FBXL3: variants seen among roughly 807,000 people sequenced by gnomAD.
The protein encoded by FBXL3 is F-box/LRR-repeat protein 3.
FBXL3 carries 14 observed loss-of-function variants against 37.9 expected under a neutral mutation model. The ratio of observed to expected loss-of-function variants is 0.37; its 90% CI spans 0.24 to 0.58. The LOEUF (loss-of-function observed/expected upper bound fraction) is 0.58, where lower values mean the gene tolerates loss of function less well. FBXL3 is among the 20% of genes least tolerant of loss of function. FBXL3 has a pLI of 0.74. For missense variants in FBXL3, 327 were observed against 511.1 expected, an observed-to-expected ratio of 0.64 and a Z score of 3.47; for synonymous variants, 194 against 180.1, an observed-to-expected ratio of 1.08 and a Z score of -0.62.
chr13:77,006,599 ATTAC>A lies in FBXL3; in HGVS notation c.*542_*545del, dbSNP rs2034455411. ...ATCTATCAGTCTTCTAAGTGTTCTG[ATTAC>A]TTATATATACCTTTTTCTTTAAACA... On this transcript the variant is annotated 3_prime_UTR_variant, in exon 5 of 5. Transcript: ENST00000355619. 6.2e-6 allele frequency: 1 copy of A among 161,060 alleles called. No homozygotes were observed. Among genetic ancestry groups the A allele is most frequent in the South Asian group, 2.0e-4 (1 of 5,030 alleles). 10.0% of individuals were successfully genotyped at this position (161,060 alleles called of 1,614,324 possible).
rs564958627 is a variant in FBXL3, at chr13:77,019,586, A to C, written c.349-864T>G. ...CAGCATCAACATCACCTGGGAACTT[A>C]AATGGGAACAAATGTTCATACCCAA... On this transcript the variant is annotated intron_variant, in intron 2 of 4. Transcript: ENST00000355619. 4.6e-5 allele frequency among the ~76,000 whole-genome samples: 7 copies of C among 152,300 alleles called. No individual in the cohort carries two copies. The South Asian group carries it at 1.2e-3, about 27-fold the overall frequency.
At chr13:77,022,919 T>C (rs2034770880) in intron 1 of FBXL3, among the ~76,000 whole-genome samples, 1 of 152,206 alleles carries the variant, frequency 6.6e-6, no homozygotes, top group African/African-American at 2.4e-5. Context: ...AATTACTTGA[T>C]ATTCCTGTGC....
At chr13:77,018,819 A>T in intron 2 of FBXL3, 97 bp from the exon 3 acceptor site, 1 of 1,017,676 alleles carries the variant, frequency 9.8e-7, no homozygotes, top group Non-Finnish European at 1.4e-6. Context: ...GTATATATTT[A>T]TATTTCTCTG....
At chr13:77,012,838 G>C (rs1162765339) in intron 4 of FBXL3, 1 of 152,194 alleles carries the variant, frequency 6.6e-6, no homozygotes, top group Non-Finnish European at 1.5e-5. Flanking sequence ...ACAGTGGTGC[G>C]ACCTCGGCTC....
At chr13:77,017,304 A>T (rs1004197718) in intron 3 of FBXL3, 2 of 152,234 alleles carry the variant, frequency 1.3e-5, no homozygotes, top group Admixed American at 6.5e-5. Context: ...TGTTCAACAT[A>T]TCCTTTAATA....
At chr13:77,015,370 C>A in intron 4 of FBXL3, 39 bp downstream of exon 4, 1 of 1,439,084 alleles carries the variant, frequency 6.9e-7, no homozygotes, top group South Asian at 1.6e-5. Context: ...CATAGCAATG[C>A]ATTTTACTAA....
At chr13:77,023,159 T>A (rs1326896053) in intron 1 of FBXL3, among the ~76,000 whole-genome samples, 1 of 146,390 alleles carries the variant, frequency 6.8e-6, no homozygotes, top group East Asian at 2.2e-4. Flanking sequence ...ATTCATTCAT[T>A]CCGTTCACTC....
At chr13:77,022,989 A>G (rs1417061309) in intron 1 of FBXL3, among the ~76,000 whole-genome samples, 1 of 152,232 alleles carries the variant, frequency 6.6e-6, no homozygotes, top group African/African-American at 2.4e-5. Context: ...AATACTATTA[A>G]GGCTTTTCAA....
At chr13:77,020,195 G>C (rs636646) in intron 2 of FBXL3, among the ~76,000 whole-genome samples, 91,201 of 151,952 alleles carry the variant, frequency 0.6, 30,730 homozygotes, top group Non-Finnish European at 0.77. Context: ...TTAAGTTTCA[G>C]GTAAACAACA....
intron 3 of FBXL3, chr13:77,017,257 T>C (rs1046357415): frequency 2.6e-5 from 4 of 152,170 alleles, no homozygotes; most frequent in Non-Finnish European, 4.4e-5. Context: ...GTACTAGATA[T>C]ATGCATAGTG....
chr13:77,015,527 A>G lies in FBXL3; in HGVS notation c.525T>C (p.Ser175=). The change falls in exon 4 of 5, where the codon TCT becomes TCC. Residue 175 remains serine, a synonymous_variant. Transcript: ENST00000355619. ...TVVFVNSKSL[S]SLKIDDTPVD... ...CTGGAGTATCATCTATCTTAAGCGA[A>G]GACAGGGATTTGGAGTTTACGAACA... 6.2e-7 allele frequency: 1 copy of G among 1,606,314 alleles called. No individual in the cohort carries two copies. Among genetic ancestry groups the G allele is most frequent in the Non-Finnish European group, 8.5e-7 (1 of 1,176,184 alleles).
intron 4 of FBXL3, chr13:77,014,063 G>A (rs2034601801): frequency 6.6e-6 from 1 of 152,176 alleles, no homozygotes; most frequent in Non-Finnish European, 1.5e-5. Context: ...CAACCAGAAA[G>A]GAGAAGTTCC....
chr13:77,015,924 T>A (rs1392586754), intron 3 of FBXL3: 1 of 159,258 alleles, frequency 6.3e-6, no homozygotes, highest in Non-Finnish European at 1.4e-5. Context: ...CTGGAAACCC[T>A]AGTGTTCTAT....
At chr13:77,019,900 T>C (rs1043271646) in intron 2 of FBXL3, among the ~76,000 whole-genome samples, 1 of 151,916 alleles carries the variant, frequency 6.6e-6, no homozygotes, top group Admixed American at 6.6e-5. Flanking sequence ...ATGAGGGTTA[T>C]ACTAGATACA....
In FBXL3 at chr13:77,013,762, C is replaced by A. The variant is rs1160117742; in HGVS notation, c.643+1647G>T. 2.0e-5 allele frequency: 3 copies of A among 152,204 alleles called. No homozygotes were observed. The East Asian group carries it at 5.8e-4, about 29-fold the overall frequency. The allele number at this position is 152,204 out of a possible 1,614,324, so 9.4% of individuals were successfully genotyped here. ...CACACAGCCGGCTCTGCGTGAATTA[C>A]TCTTTCTTCATTGCAATTCCCATCT... On this transcript the variant is annotated intron_variant, in intron 4 of 4. Coordinates refer to ENST00000355619, the MANE Select transcript of FBXL3 (RefSeq NM_012158.4).
intron 1 of FBXL3, 45 bp from the exon 2 acceptor site, chr13:77,021,906 A>G: frequency 6.9e-7 from 1 of 1,452,742 alleles, no homozygotes; most frequent in Non-Finnish European, 9.3e-7. Flanking sequence ...CAACTTTTGA[A>G]TAGAAATAAA....
chr13:77,023,345 A>AGAGAGAGT (rs199568005), intron 1 of FBXL3, among the ~76,000 whole-genome samples: 337 of 147,598 alleles, frequency 2.3e-3, no homozygotes, highest in Admixed American at 4.9e-3. Context: ...AGAGAGAGAG[A>AGAGAGAGT]GTGTGTGTGT....
chr13:77,017,378 T>TA (rs1479259587), intron 3 of FBXL3: 1 of 152,214 alleles, frequency 6.6e-6, no homozygotes, highest in Non-Finnish European at 1.5e-5. Context: ...GTAGGTACAC[T>TA]AAAAATCAAT....
intron 3 of FBXL3, 98 bp downstream of exon 3, chr13:77,018,502 A>G (rs1025984848): frequency 2.0e-5 from 18 of 916,106 alleles, no homozygotes; most frequent in Admixed American, 6.4e-5. Context: ...ATGTATATAT[A>G]TAACTTTCCT....
Sources: gnomAD v4.1 joint callset for allele counts (sites outside exome capture counted in the v4.1 genomes callset) on GRCh38, gnomAD v4.1.1 for gene constraint, MANE v1.5 for transcripts, NCBI Gene and HGNC (gene_info 2026-07-23, HGNC 2026-07-21) for gene names.